Variants in DACH2 observed in about 807,000 individuals in gnomAD.
DACH2 encodes dachshund homolog 2.
In DACH2, 17 loss-of-function variants were observed where a neutral mutation model predicts 35.8. That is an observed-to-expected ratio of 0.48 (90% CI 0.33 to 0.71). The LOEUF is 0.71. Among genes scored for constraint, DACH2 ranks in the 30% least tolerant of loss-of-function variants. The pLI is 0.02. For missense variants in DACH2, 469 were observed against 472.7 expected (o/e 0.99, Z 0.07); for synonymous variants, 195 against 177.3 (o/e 1.10, Z -0.79).
chrX:86,543,975 T>TA (rs1428979473), intron 3 of DACH2, among the ~76,000 whole-genome samples: 1 of 110,379 alleles, frequency 9.1e-6, no homozygotes. Flanking sequence ...CCCTAAAACT[T>TA]AAAGTATAAT....
At chrX:86,206,084 T>C (rs2032303812) in intron 1 of DACH2, among the ~76,000 whole-genome samples, 1 of 111,494 alleles carries the variant, frequency 9.0e-6, no homozygotes, top group African/African-American at 3.3e-5. Flanking sequence ...TAATAAATGA[T>C]TAGAAGAGCT....
chrX:86,594,915 T>G (rs565332243), intron 3 of DACH2, among the ~76,000 whole-genome samples: 7 of 111,813 alleles, frequency 6.3e-5, no homozygotes, highest in Admixed American at 9.5e-5. Flanking sequence ...TTTTTTACCC[T>G]TGAAATTTTA....
At chrX:86,739,057 A>G (rs1380621321) in intron 6 of DACH2, among the ~76,000 whole-genome samples, 1 of 110,400 alleles carries the variant, frequency 9.1e-6, no homozygotes, top group East Asian at 2.9e-4. Flanking sequence ...TATTTTTAGT[A>G]GAGACGCGGT....
intron 7 of DACH2, among the ~76,000 whole-genome samples, chrX:86,755,997 T>G (rs2041825204): frequency 9.0e-6 from 1 of 111,433 alleles, no homozygotes; most frequent in African/African-American, 3.3e-5. Flanking sequence ...GAGGATGTCC[T>G]TACCCCAATG....
At position 86,714,534 on chromosome X, in the gene DACH2, A is replaced by G; in HGVS notation, c.932-14A>G. ...TCATAATGTAACAAGTTTAATATGC[A>G]CTGTCTCTTTTAGGACTGGATCTGC... is the stretch of plus-strand genomic sequence containing the variant. On this transcript the variant is annotated splice_polypyrimidine_tract_variant and intron_variant, in intron 5 of 11. Transcript: ENST00000373125. 1 of 1,171,346 alleles carries G rather than the reference A, an allele frequency of 8.5e-7. No individual in the cohort carries two copies. Among genetic ancestry groups the G allele is most frequent in the South Asian group, 1.9e-5 (1 of 52,024 alleles).
At chrX:86,811,769 G>A (rs139749880) in intron 7 of DACH2, among the ~76,000 whole-genome samples, 17 of 111,643 alleles carry the variant, frequency 1.5e-4, no homozygotes, top group East Asian at 2.8e-4. Flanking sequence ...TATCTAATTC[G>A]TACAGGTCAT....
chrX:86,589,227 C>A (rs2039612852), intron 3 of DACH2, among the ~76,000 whole-genome samples: 1 of 110,664 alleles, frequency 9.0e-6, no homozygotes, highest in African/African-American at 3.3e-5. Flanking sequence ...TTTGAAGAAC[C>A]AACTTTTGGT....
At position 86,636,773 on chromosome X, in the gene DACH2, G is replaced by A. The variant is rs889207573; in HGVS notation, c.641-14263G>A. The stretch of plus-strand genomic sequence containing the variant: ...ATAAAAACCCTAGAATACAACCTAC[G>A]CAATACCATTCTGGACAAAGGAATG... On this transcript the variant is annotated intron_variant, in intron 3 of 11. Transcript: ENST00000373125. Among the ~76,000 whole-genome samples the A allele has an allele frequency of 1.3e-4, 14 of 110,339 alleles. No homozygotes were observed. In the Admixed American group the frequency reaches 1.4e-3, roughly 11 times the overall value.
intron 3 of DACH2, among the ~76,000 whole-genome samples, chrX:86,560,537 G>A (rs1157007012): frequency 9.4e-6 from 1 of 106,435 alleles, no homozygotes; most frequent in Non-Finnish European, 1.9e-5. Flanking sequence ...CATGGTACTG[G>A]TACCAAAACA....
At position 86,585,942 on chromosome X, in the gene DACH2, C is replaced by A. The variant is rs190874976; in HGVS notation, c.641-65094C>A. On this transcript the variant is annotated intron_variant, in intron 3 of 11. Coordinates refer to ENST00000373125, the MANE Select transcript of DACH2 (RefSeq NM_053281.3). ...GAGTATATACCCAATAGTGGAATTG[C>A]TAGGTCGAATGGTAATTCTGTTTTA... Among the ~76,000 whole-genome samples, 193 of 111,411 alleles carry A rather than the reference C, an allele frequency of 1.7e-3. 1 individual carries two copies. Among genetic ancestry groups the A allele is most frequent in the Non-Finnish European group, 2.7e-3 (141 of 52,844 alleles).
intron 11 of DACH2, among the ~76,000 whole-genome samples, chrX:86,826,141 A>G (rs773345379): frequency 9.0e-6 from 1 of 111,589 alleles, no homozygotes; most frequent in East Asian, 2.8e-4. Context: ...TCCCATAGAT[A>G]GTTATGGTTA....
intron 4 of DACH2, among the ~76,000 whole-genome samples, chrX:86,652,733 A>T (rs1302975434): frequency 1.2e-4 from 13 of 111,939 alleles, no homozygotes. Flanking sequence ...TCTTGGTCAC[A>T]TGTATGTCTT....
At chrX:86,345,413 G>T (rs749150832) in intron 1 of DACH2, 1 of 296,801 alleles carries the variant, frequency 3.4e-6, no homozygotes, top group South Asian at 3.3e-5. Flanking sequence ...TAAATTCCTT[G>T]CAGGAAAAAA....
At chrX:86,328,759 G>C (rs2035160555) in intron 1 of DACH2, among the ~76,000 whole-genome samples, 1 of 111,606 alleles carries the variant, frequency 9.0e-6, no homozygotes, top group Non-Finnish European at 1.9e-5. Flanking sequence ...ATTGCAATTA[G>C]ATAGAGTATA....
intron 1 of DACH2, among the ~76,000 whole-genome samples, chrX:86,322,742 C>T (rs946369289): frequency 2.7e-5 from 3 of 112,250 alleles, no homozygotes; most frequent in African/African-American, 9.7e-5. Context: ...TTATACTCTG[C>T]TGTTATAGAC....
chrX:86,698,291 C>A (rs910571201), intron 5 of DACH2, among the ~76,000 whole-genome samples: 6 of 108,750 alleles, frequency 5.5e-5, no homozygotes, highest in Non-Finnish European at 9.5e-5. Flanking sequence ...AGGAAAATTT[C>A]CCTTTAAAAG....
Position 86,161,954 on chromosome X carries a change from G to A in DACH2, c.488+12846G>A, listed in dbSNP as rs749003029. ...AAGTGAAAGCAAGTTTATCAAGAAAGTAAAGGAATAAAGGAATGACTACTC... is the reference window on the plus strand; with the variant it reads ...AAGTGAAAGCAAGTTTATCAAGAAAATAAAGGAATAAAGGAATGACTACTC... On this transcript the variant is annotated intron_variant, in intron 1 of 11. Transcript: ENST00000373125. Among the ~76,000 whole-genome samples the A allele has an allele frequency of 2.2e-3, 241 of 111,998 alleles. 1 individual carries two copies. Among genetic ancestry groups the A allele is most frequent in the African/African-American group, 7.5e-3 (233 of 30,913 alleles).
At chrX:86,466,589 A>G (rs761392381) in intron 2 of DACH2, among the ~76,000 whole-genome samples, 1 of 111,937 alleles carries the variant, frequency 8.9e-6, no homozygotes, top group South Asian at 3.7e-4. Context: ...GAGAAAAAGC[A>G]AGTCCCTTCC....
rs35224476 is a variant in DACH2 at position 86,303,728 on chromosome X, C to CTATATATA, written c.489-73088_489-73081dup. On this transcript the variant is annotated intron_variant, in intron 1 of 11. Coordinates refer to ENST00000373125, the MANE Select transcript of DACH2 (RefSeq NM_053281.3). ...ACATATGTATAATTATGTGAACATA[C>CTATATATA]TATATATATATATATCTTTCTGTAC... Among the ~76,000 whole-genome samples the CTATATATA allele has an allele frequency of 6.6e-5, 7 of 106,011 alleles. No homozygotes were observed. The South Asian group carries it at 1.3e-3, about 19-fold the overall frequency. The allele number at this position is 106,011 out of a possible 115,157, so 92.1% of individuals were successfully genotyped here.
Sources: gnomAD v4.1 joint callset for allele counts (sites outside exome capture counted in the v4.1 genomes callset) on GRCh38, gnomAD v4.1.1 for gene constraint, MANE v1.5 for transcripts, NCBI Gene and HGNC (gene_info 2026-07-23, HGNC 2026-07-21) for gene names.